DOK7: variants seen among roughly 807,000 people sequenced by gnomAD.
DOK7 encodes protein Dok-7.
DOK7 carries 32 observed loss-of-function variants against 30.7 expected under a neutral mutation model. The ratio of observed to expected loss-of-function variants is 1.04; its 90% CI spans 0.79 to 1.40. The LOEUF is 1.40. Ranked by LOEUF, DOK7 falls within the 40% of genes most tolerant of loss-of-function variation. The pLI is 0.00. For synonymous variants in DOK7, 447 were observed against 324.1 expected, an observed-to-expected ratio of 1.38 and a Z score of -4.07; for missense variants, 1,007 against 699.2, an observed-to-expected ratio of 1.44 and a Z score of -4.97.
At chr4:3,474,052 A>G (rs766537660) in intron 3 of DOK7, among the ~76,000 whole-genome samples, 1 of 146,448 alleles carries the variant, frequency 6.8e-6, no homozygotes, top group Non-Finnish European at 1.5e-5. Context: ...GAGGGAATAG[A>G]GGGAGGGGAG....
Position 3,492,756 on chromosome 4 carries a change from C to A in DOK7, c.773-3C>A. On this transcript the variant is annotated splice_polypyrimidine_tract_variant and splice_region_variant and intron_variant, in intron 6 of 6. Transcript: ENST00000340083. ...ACTGCCTTGGCTTCCTGCTCTGTCT[C>A]AGGGGATGACCGCAGCCTGTCCAGC... The A allele has an allele frequency of 7.4e-6, 12 of 1,612,394 alleles. No homozygotes were observed. Among genetic ancestry groups the A allele is most frequent in the Non-Finnish European group, 1.0e-5 (12 of 1,179,974 alleles).
intron 2 of DOK7, among the ~76,000 whole-genome samples, chr4:3,468,441 CGA>C (rs1489138989): frequency 6.9e-5 from 9 of 129,596 alleles, no homozygotes; most frequent in Non-Finnish European, 1.3e-4. Flanking sequence ...TGTACATGTA[CGA>C]GTGTGTGCCT....
At chr4:3,491,407 C>CTCATTAA (rs1553849541) in intron 6 of DOK7, among the ~76,000 whole-genome samples, 2 of 117,774 alleles carry the variant, frequency 1.7e-5, no homozygotes, top group African/African-American at 6.4e-5. Flanking sequence ...CTCACCCCAG[C>CTCATTAA]TTCCTTCTTT....
intron 2 of DOK7, among the ~76,000 whole-genome samples, chr4:3,471,103 A>G (rs1726732416): frequency 6.6e-6 from 1 of 152,234 alleles, no homozygotes; most frequent in Non-Finnish European, 1.5e-5. Context: ...AGGGTGAGCC[A>G]TGGGTCACCT....
At chr4:3,465,594 G>C (rs188552642) in intron 2 of DOK7, among the ~76,000 whole-genome samples, 2 of 152,210 alleles carry the variant, frequency 1.3e-5, no homozygotes, top group Non-Finnish European at 2.9e-5. Context: ...TCCTCCTTGC[G>C]TTTTTCTCAA....
intron 6 of DOK7, among the ~76,000 whole-genome samples, chr4:3,499,695 C>G (rs1729095952): frequency 6.6e-6 from 1 of 151,900 alleles, no homozygotes; most frequent in African/African-American, 2.4e-5. Context: ...TGTGGGGCAC[C>G]TGGGTGTCCT....
chr4:3,476,779 GGA>G (rs1276925213), intron 4 of DOK7, among the ~76,000 whole-genome samples: 4 of 152,176 alleles, frequency 2.6e-5, no homozygotes, highest in Non-Finnish European at 5.9e-5. Flanking sequence ...CTCACTGGAG[GGA>G]GAGAGTTCAG....
chr4:3,500,764 A>G, exon 8 of DOK7: 3 of 1,534,712 alleles, frequency 2.0e-6, no homozygotes, highest in Non-Finnish European at 2.6e-6. Flanking sequence ...GGGGTGCGGC[A>G]CGCACGGGCC....
At chr4:3,465,029 A>G (rs1189787767) in intron 2 of DOK7, among the ~76,000 whole-genome samples, 3 of 152,124 alleles carry the variant, frequency 2.0e-5, no homozygotes, top group Non-Finnish European at 4.4e-5. Flanking sequence ...AGAAGGTGCC[A>G]TGCCCCCTCT....
intron 6 of DOK7, among the ~76,000 whole-genome samples, chr4:3,490,809 G>C (rs111161814): frequency 2.8e-5 from 1 of 36,198 alleles, no homozygotes; most frequent in African/African-American, 1.2e-4. Context: ...CTGCCCCCCC[G>C]CTCATTCATT....
downstream of DOK7, chr4:3,496,795 C>G: frequency 6.5e-7 from 1 of 1,535,736 alleles, no homozygotes; most frequent in Non-Finnish European, 8.7e-7. Flanking sequence ...GAAGGATGCA[C>G]TGACCCAGGT....
intron 2 of DOK7, among the ~76,000 whole-genome samples, chr4:3,467,703 C>A (rs1053782917): frequency 6.6e-6 from 1 of 152,134 alleles, no homozygotes; most frequent in Non-Finnish European, 1.5e-5. Flanking sequence ...TTAGCTCAGG[C>A]GGCTCTTAGC....
chr4:3,496,630 C>T (rs1314644020), downstream of DOK7, among the ~76,000 whole-genome samples: 1 of 151,992 alleles, frequency 6.6e-6, no homozygotes, highest in African/African-American at 2.4e-5. Flanking sequence ...GCCCGGAGAT[C>T]TGGGGGCTGT....
chr4:3,491,043 CTTCCT>C (rs1453678555), intron 6 of DOK7, among the ~76,000 whole-genome samples: 2 of 70,206 alleles, frequency 2.8e-5, no homozygotes, highest in African/African-American at 1.1e-4. Context: ...CCCCCCATTC[CTTCCT>C]TTCTTTTCCC....
At chr4:3,472,486 G>A (rs148143131) in intron 2 of DOK7, among the ~76,000 whole-genome samples, 4 of 152,360 alleles carry the variant, frequency 2.6e-5, no homozygotes, top group Admixed American at 6.5e-5. Flanking sequence ...GTGGGAGGAG[G>A]CCTGGTCATC....
intron 2 of DOK7, among the ~76,000 whole-genome samples, chr4:3,470,014 G>C (rs1454645236): frequency 6.6e-6 from 1 of 152,152 alleles, no homozygotes; most frequent in Non-Finnish European, 1.5e-5. Flanking sequence ...ACCACAGCTG[G>C]GCCTTCAAAC....
At chr4:3,486,861 G>A (rs897423167) in intron 5 of DOK7, among the ~76,000 whole-genome samples, 3 of 149,696 alleles carry the variant, frequency 2.0e-5, no homozygotes, top group Non-Finnish European at 2.9e-5. Context: ...GGACAGGGCC[G>A]GGCAGGGGCA....
At chr4:3,468,366 GTC>G (rs1289842221) in intron 2 of DOK7, among the ~76,000 whole-genome samples, 5 of 151,928 alleles carry the variant, frequency 3.3e-5, no homozygotes, top group Non-Finnish European at 5.9e-5. Flanking sequence ...GTGTGCGTGT[GTC>G]TGTGTGTGCA....
chr4:3,467,513 C>T (rs1269407588), intron 2 of DOK7, among the ~76,000 whole-genome samples: 3 of 145,616 alleles, frequency 2.1e-5, no homozygotes, highest in South Asian at 2.3e-4. Context: ...CTGGATTCCT[C>T]GTTTCCCTGT....
Sources: allele counts gnomAD v4.1 joint callset (sites outside exome capture counted in the v4.1 genomes callset), GRCh38; gene constraint gnomAD v4.1.1; transcripts MANE v1.5; gene names NCBI Gene and HGNC (gene_info 2026-07-23, HGNC 2026-07-21).